The following INTS9 variants were observed in gnomAD, a reference collection of about 807,000 sequenced individuals.
INTS9 encodes the protein integrator complex subunit 9, also known as protein related to CPSF subunits of 74 kDa.
In INTS9, 55 loss-of-function variants were observed where a neutral mutation model predicts 79.7. The ratio of observed to expected loss-of-function variants is 0.69; its 90% CI spans 0.56 to 0.86. INTS9 has a LOEUF of 0.86. Among genes scored for constraint, INTS9 ranks in the 40% least tolerant of loss-of-function variants. INTS9 has a pLI of 0.00. For synonymous variants in INTS9, 319 were observed against 325.2 expected, an observed-to-expected ratio of 0.98 and a Z score of 0.20; for missense variants, 721 against 831.5, an observed-to-expected ratio of 0.87 and a Z score of 1.64.
At chr8:28,853,027 C>T (rs1563298576) in intron 2 of INTS9, among the ~76,000 whole-genome samples, 1 of 152,084 alleles carries the variant, frequency 6.6e-6, no homozygotes. Context: ...TTTAAGAAAC[C>T]AAAGGGGAAG....
intron 8 of INTS9, among the ~76,000 whole-genome samples, chr8:28,807,613 T>C (rs1352908441): frequency 2.0e-5 from 3 of 152,204 alleles, no homozygotes; most frequent in Non-Finnish European, 4.4e-5. Context: ...ACATTAATGG[T>C]CTCAAAGGAG....
At chr8:28,864,980 C>T (rs183498592) in intron 1 of INTS9, among the ~76,000 whole-genome samples, 5 of 132,124 alleles carry the variant, frequency 3.8e-5, no homozygotes, top group Admixed American at 1.6e-4. Context: ...AGTGAGACAC[C>T]GTCTCAAAAA....
intron 10 of INTS9, among the ~76,000 whole-genome samples, chr8:28,792,985 G>A (rs1804001267): frequency 6.6e-6 from 1 of 150,852 alleles, no homozygotes; most frequent in Admixed American, 6.6e-5. Context: ...TCTAAACACA[G>A]CGGGGAAAAA....
intron 1 of INTS9, among the ~76,000 whole-genome samples, chr8:28,870,938 C>G (rs1244074750): frequency 1.3e-5 from 2 of 152,144 alleles, no homozygotes; most frequent in African/African-American, 4.8e-5. Flanking sequence ...TTCAGATTTT[C>G]AAAGAAACGG....
intron 1 of INTS9, among the ~76,000 whole-genome samples, chr8:28,878,167 T>C (rs1249336842): frequency 6.6e-6 from 1 of 152,194 alleles, no homozygotes; most frequent in Non-Finnish European, 1.5e-5. Flanking sequence ...AATATCTCAT[T>C]ATTTTTGTAA....
chr8:28,852,715 T>C lies in INTS9; in HGVS notation c.138-2442A>G, dbSNP rs1807910889. Among the ~76,000 whole-genome samples the C allele has an allele frequency of 2.6e-5, 4 of 152,358 alleles. No homozygotes were observed. In the South Asian group the frequency reaches 6.2e-4, roughly 24 times the overall value. ...ATGTTTAGAAATAGTAAGTTGCTTA[T>C]GAGAATATAACTAATTTTTTAAAAA... On this transcript the variant is annotated intron_variant, in intron 2 of 16. Transcript: ENST00000521022.
At chr8:28,770,877 T>G in intron 15 of INTS9, 105 bp downstream of exon 15, 1 of 838,770 alleles carries the variant, frequency 1.2e-6, no homozygotes, top group Non-Finnish European at 1.9e-6. Context: ...GAAATAATTC[T>G]TCAACAAGAA....
rs1348360752 is a variant in INTS9, at chr8:28,881,851, C to T, written c.9+8023G>A. On this transcript the variant is annotated intron_variant, in intron 1 of 16. Transcript: ENST00000521022. ...GTGGTGGGGGGGTCAGCCCCCCGCCCGGCCAGCCGCCCCATCCGGGAGGTG... is the reference window on the plus strand; with the variant it reads ...GTGGTGGGGGGGTCAGCCCCCCGCCTGGCCAGCCGCCCCATCCGGGAGGTG... Among the ~76,000 whole-genome samples the T allele has an allele frequency of 1.6e-4, 22 of 135,886 alleles. No individual in the cohort carries two copies. The East Asian group carries it at 4.1e-3, about 26-fold the overall frequency. The allele number at this position is 135,886 out of a possible 152,430, so 89.1% of individuals were successfully genotyped here.
At chr8:28,875,376 C>T (rs1809325393) in intron 1 of INTS9, among the ~76,000 whole-genome samples, 1 of 152,236 alleles carries the variant, frequency 6.6e-6, no homozygotes, top group Admixed American at 6.5e-5. Context: ...GTTCCTTCTA[C>T]TTGTAATAAC....
chr8:28,850,559 C>T (rs1411293366), intron 2 of INTS9, among the ~76,000 whole-genome samples: 1 of 152,148 alleles, frequency 6.6e-6, no homozygotes, highest in Non-Finnish European at 1.5e-5. Flanking sequence ...GACATGAAAG[C>T]CTTTTATAAT....
At chr8:28,861,330 T>C (rs780730836) in intron 1 of INTS9, among the ~76,000 whole-genome samples, 1 of 152,228 alleles carries the variant, frequency 6.6e-6, no homozygotes, top group African/African-American at 2.4e-5. Context: ...TAAGAACTAT[T>C]TGTTAAAGAT....
intron 5 of INTS9, among the ~76,000 whole-genome samples, chr8:28,836,101 C>T (rs1001138959): frequency 1.3e-5 from 2 of 152,150 alleles, no homozygotes; most frequent in African/African-American, 2.4e-5. Flanking sequence ...CATGAGCCAC[C>T]GTGGCCAGCC....
intron 14 of INTS9, among the ~76,000 whole-genome samples, chr8:28,772,449 G>T (rs1014236069): frequency 2.0e-5 from 3 of 152,098 alleles, no homozygotes; most frequent in Non-Finnish European, 4.4e-5. Flanking sequence ...GGAGGCAGAG[G>T]TTGCAGTGAG....
rs1808352450 is a variant in INTS9 at position 28,859,720 on chromosome 8, C to T, written c.10-157G>A. 3 of 779,702 alleles carry T rather than the reference C, an allele frequency of 3.8e-6. No individual in the cohort carries two copies. In the East Asian group the frequency reaches 8.3e-5, roughly 22 times the overall value. The allele number at this position is 779,702 out of a possible 1,614,324, so 48.3% of individuals were successfully genotyped here. A position where few individuals can be genotyped will look rare whatever the true frequency, so the allele number is the denominator to read the frequency against. ...TTTCCGCCCTTTTACTGCTTGGGGA[C>T]TACTTTCCCTAGCCGTTCAAAATAC... On this transcript the variant is annotated intron_variant, in intron 1 of 16. Transcript: ENST00000521022.
intron 6 of INTS9, among the ~76,000 whole-genome samples, chr8:28,822,495 A>G (rs1805894788): frequency 6.6e-6 from 1 of 152,212 alleles, no homozygotes. Context: ...AAAACTTTAT[A>G]AAAACAGTGG....
intron 14 of INTS9, among the ~76,000 whole-genome samples, chr8:28,771,826 T>C (rs1012785586): frequency 2.0e-5 from 3 of 151,986 alleles, no homozygotes; most frequent in Non-Finnish European, 2.9e-5. Context: ...GCGCTCTCCC[T>C]GGGCAGCCAT....
chr8:28,889,340 AG>A (rs1810433574), intron 1 of INTS9, among the ~76,000 whole-genome samples: 1 of 152,226 alleles, frequency 6.6e-6, no homozygotes, highest in Non-Finnish European at 1.5e-5. Context: ...AATCCCATGC[AG>A]GGTTTAAGAC....
At chr8:28,779,986 G>A in intron 12 of INTS9, among the ~76,000 whole-genome samples, 1 of 152,164 alleles carries the variant, frequency 6.6e-6, no homozygotes, top group Non-Finnish European at 1.5e-5. Flanking sequence ...CATTTACTGT[G>A]GGGACAGTCA....
intron 1 of INTS9, among the ~76,000 whole-genome samples, chr8:28,882,546 AAG>A (rs554222649): frequency 2.7e-4 from 38 of 141,826 alleles, no homozygotes; most frequent in Admixed American, 7.6e-4. Flanking sequence ...AAAAAAAAAA[AAG>A]AAAAAAAAAA....
Sources: gnomAD v4.1 joint callset for allele counts (sites outside exome capture counted in the v4.1 genomes callset) on GRCh38, gnomAD v4.1.1 for gene constraint, MANE v1.5 for transcripts, NCBI Gene and HGNC (gene_info 2026-07-23, HGNC 2026-07-21) for gene names.